SLC9A9: variants seen among roughly 807,000 people sequenced by gnomAD.
SLC9A9 encodes solute carrier family 9 member A9.
Under a neutral mutation model 77.8 loss-of-function variants are expected in SLC9A9, and 62 were observed. The observed-to-expected ratio is 0.80, with a 90% CI of 0.65 to 0.98. The LOEUF (loss-of-function observed/expected upper bound fraction) is 0.98. Among genes scored for constraint, SLC9A9 ranks in the 50% least tolerant of loss-of-function variants. The probability of loss-of-function intolerance (pLI) is 0.00; values close to 1 mark genes in which losing one functional copy is unlikely to be tolerated. For synonymous variants in SLC9A9, 320 were observed against 283.5 expected (o/e 1.13, Z -1.29); for missense variants, 775 against 774.9 (o/e 1.00, Z 0.00).
chr3:143,628,259 T>G lies in SLC9A9; in HGVS notation c.755+23996A>C, dbSNP rs554728891. 4.5e-4 allele frequency among the ~76,000 whole-genome samples: 68 copies of G among 152,300 alleles called. 3 individuals carry two copies. The South Asian group carries it at 0.014, about 31-fold the overall frequency. ...ATGGGGTTACATCCCAATAACCTTA[T>G]GGTAAGTTGAAAATATCGTTAAGTT... On this transcript the variant is annotated intron_variant, in intron 6 of 15. Transcript: ENST00000316549.
chr3:143,785,847 T>A (rs1215320643), intron 4 of SLC9A9, among the ~76,000 whole-genome samples: 2 of 28,736 alleles, frequency 7.0e-5, no homozygotes, highest in Non-Finnish European at 9.8e-5. Context: ...GAATTTTTCT[T>A]TTTTTTTTTT....
At chr3:143,649,470 G>A (rs2038762324) in intron 6 of SLC9A9, among the ~76,000 whole-genome samples, 1 of 152,108 alleles carries the variant, frequency 6.6e-6, no homozygotes, top group African/African-American at 2.4e-5. Context: ...CTGCTGCTAC[G>A]TACAAGAGTT....
At chr3:143,606,210 G>T (rs2037919171) in intron 6 of SLC9A9, among the ~76,000 whole-genome samples, 1 of 151,892 alleles carries the variant, frequency 6.6e-6, no homozygotes, top group Admixed American at 6.6e-5. Context: ...TTCGATACCA[G>T]CCTGGCCAAC....
intron 1 of SLC9A9, among the ~76,000 whole-genome samples, chr3:143,842,981 C>T (rs1309289008): frequency 6.6e-6 from 1 of 151,958 alleles, no homozygotes; most frequent in African/African-American, 2.4e-5. Flanking sequence ...CCTTTCTTCC[C>T]CATTTTATAG....
chr3:143,597,811 G>A (rs1018325282), intron 6 of SLC9A9, among the ~76,000 whole-genome samples: 4 of 152,336 alleles, frequency 2.6e-5, no homozygotes, highest in Middle Eastern at 3.4e-3. Context: ...CAAATGTAGA[G>A]ATTTATCAAA....
intron 14 of SLC9A9, among the ~76,000 whole-genome samples, chr3:143,307,662 T>C (rs2030846810): frequency 6.6e-6 from 1 of 152,214 alleles, no homozygotes; most frequent in Admixed American, 6.5e-5. Flanking sequence ...CCAGGCTGAC[T>C]GGTCCCTCTG....
chr3:143,738,346 T>C (rs1355910451), intron 4 of SLC9A9, among the ~76,000 whole-genome samples: 1 of 152,172 alleles, frequency 6.6e-6, no homozygotes, highest in South Asian at 2.1e-4. Flanking sequence ...CCTCACTCTC[T>C]GGGACACTGA....
chr3:143,385,228 T>C (rs1197254936), intron 12 of SLC9A9, among the ~76,000 whole-genome samples: 1 of 152,274 alleles, frequency 6.6e-6, no homozygotes, highest in East Asian at 1.9e-4. Context: ...ATTGTCCCTA[T>C]GACCCCCACC....
intron 8 of SLC9A9, among the ~76,000 whole-genome samples, chr3:143,569,500 T>C (rs2037224008): frequency 6.6e-6 from 1 of 152,134 alleles, no homozygotes; most frequent in Non-Finnish European, 1.5e-5. Context: ...TTCCAGTTGG[T>C]TTCTGATGCA....
At chr3:143,748,202 C>T (rs910772952) in intron 4 of SLC9A9, among the ~76,000 whole-genome samples, 19 of 152,116 alleles carry the variant, frequency 1.2e-4, no homozygotes, top group Admixed American at 9.2e-4. Flanking sequence ...GGTGACTTGC[C>T]GTAGAACTTT....
chr3:143,333,342 TA>T (rs1219541376), intron 14 of SLC9A9, among the ~76,000 whole-genome samples: 2 of 150,570 alleles, frequency 1.3e-5, no homozygotes, highest in African/African-American at 4.9e-5. Context: ...AGCAAGCAAA[TA>T]ATGCTCCATG....
chr3:143,764,218 T>G (rs2007229406), intron 4 of SLC9A9, among the ~76,000 whole-genome samples: 2 of 152,186 alleles, frequency 1.3e-5, no homozygotes, highest in African/African-American at 4.8e-5. Flanking sequence ...ACATACAATG[T>G]GAGCTCTCTC....
At chr3:143,691,915 T>C (rs1392586317) in intron 5 of SLC9A9, among the ~76,000 whole-genome samples, 2 of 152,142 alleles carry the variant, frequency 1.3e-5, no homozygotes, top group Non-Finnish European at 1.5e-5. Context: ...TCTGGTAGTC[T>C]TTGCTAGAGT....
chr3:143,698,036 G>T (rs1933691671), intron 4 of SLC9A9: 1 of 152,158 alleles, frequency 6.6e-6, no homozygotes, highest in African/African-American at 2.4e-5. Context: ...TTAACTGGGA[G>T]GCTAAAAAAT....
At chr3:143,606,496 T>C (rs1378705764) in intron 6 of SLC9A9, among the ~76,000 whole-genome samples, 1 of 142,802 alleles carries the variant, frequency 7.0e-6, no homozygotes, top group African/African-American at 2.6e-5. Context: ...AGGCAGATAA[T>C]TTAAAAACAT....
At chr3:143,792,098 G>A (rs1302386073) in intron 4 of SLC9A9, among the ~76,000 whole-genome samples, 1 of 152,080 alleles carries the variant, frequency 6.6e-6, no homozygotes, top group African/African-American at 2.4e-5. Context: ...TTAAATGAGG[G>A]TAATAAATAG....
At chr3:143,657,769 T>C (rs537478496) in intron 5 of SLC9A9, among the ~76,000 whole-genome samples, 1 of 152,372 alleles carries the variant, frequency 6.6e-6, no homozygotes, top group South Asian at 2.1e-4. Context: ...ATGTTATTTA[T>C]ATTAACATGT....
At chr3:143,373,546 C>T (rs1259552968) in intron 13 of SLC9A9, among the ~76,000 whole-genome samples, 2 of 140,538 alleles carry the variant, frequency 1.4e-5, no homozygotes, top group Non-Finnish European at 3.0e-5. Context: ...CAGACTTCAC[C>T]ACTATATAAT....
chr3:143,778,436 G>A (rs1003626613), intron 4 of SLC9A9, among the ~76,000 whole-genome samples: 1 of 152,234 alleles, frequency 6.6e-6, no homozygotes, highest in Non-Finnish European at 1.5e-5. Flanking sequence ...AACAAATATC[G>A]CACAGCAATT....
Sources: allele counts gnomAD v4.1 joint callset (sites outside exome capture counted in the v4.1 genomes callset), GRCh38; gene constraint gnomAD v4.1.1; transcripts MANE v1.5; gene names NCBI Gene and HGNC (gene_info 2026-07-23, HGNC 2026-07-21).